Variants in OLFM1 observed in about 807,000 individuals in gnomAD.
OLFM1 encodes the protein olfactomedin 1.
Under a neutral mutation model 49.7 loss-of-function variants are expected in OLFM1, and 9 were observed. The observed-to-expected ratio is 0.18, with a 90% CI of 0.11 to 0.32. OLFM1 has a LOEUF of 0.32. Ranked by LOEUF, OLFM1 falls within the 10% of genes least tolerant of loss-of-function variation. The pLI, the probability that OLFM1 is intolerant of heterozygous loss-of-function variation, is 1.00. For missense variants in OLFM1, 369 were observed against 661.8 expected (o/e 0.56, Z 4.85); for synonymous variants, 240 against 271.8 (o/e 0.88, Z 1.15).
At chr9:135,090,453 A>C in intron 2 of OLFM1, 109 bp downstream of exon 2, 1 of 1,166,416 alleles carries the variant, frequency 8.6e-7, no homozygotes, top group South Asian at 1.6e-5. Flanking sequence ...GCTAGCTTGC[A>C]GGCCCCATTT....
intron 2 of OLFM1, among the ~76,000 whole-genome samples, chr9:135,091,687 TCA>T (rs796114896): frequency 6.9e-3 from 10 of 1,454 alleles, no homozygotes; most frequent in East Asian, 0.036. Flanking sequence ...ACACATAGTC[TCA>T]CACACACACA....
At chr9:135,109,999 C>T (rs934612762) in intron 5 of OLFM1, among the ~76,000 whole-genome samples, 16 of 152,186 alleles carry the variant, frequency 1.1e-4, no homozygotes, top group Admixed American at 1.3e-4. Context: ...ACTGTATGTC[C>T]GGCCTGTGCT....
chr9:135,092,958 C>G (rs1830736437), intron 2 of OLFM1, among the ~76,000 whole-genome samples: 1 of 152,210 alleles, frequency 6.6e-6, no homozygotes, highest in African/African-American at 2.4e-5. Flanking sequence ...CTCTTTTCTT[C>G]TCTTGCTTTC....
At chr9:135,086,246 TC>T (rs1461876595), upstream of OLFM1, among the ~76,000 whole-genome samples, 1 of 152,200 alleles carries the variant, frequency 6.6e-6, no homozygotes, top group Non-Finnish European at 1.5e-5. Flanking sequence ...ATGGCGCCCT[TC>T]CCCAACAGTT....
chr9:135,109,425 T>C (rs563177128), intron 5 of OLFM1, among the ~76,000 whole-genome samples: 1 of 152,092 alleles, frequency 6.6e-6, no homozygotes, highest in Admixed American at 6.5e-5. Context: ...GAGGCTCTGA[T>C]GGTGGGTAGA....
chr9:135,116,541 G>A lies in OLFM1; in HGVS notation c.784-2963G>A, dbSNP rs904109389. On this transcript the variant is annotated intron_variant, in intron 5 of 5. Coordinates refer to ENST00000371793, the MANE Select transcript of OLFM1 (RefSeq NM_001282611.2). ...CAGGGGTGAGTCACCCTGGGTCCCC[G>A]CGATCAAGGGCTTGTTTGTGGGGGT... Among the ~76,000 whole-genome samples, 4 of 152,206 alleles carry A rather than the reference G, an allele frequency of 2.6e-5. No homozygotes were observed. In the South Asian group the frequency reaches 6.2e-4, roughly 24 times the overall value.
At chr9:135,085,491 A>G (rs747463311), upstream of OLFM1, among the ~76,000 whole-genome samples, 1 of 152,240 alleles carries the variant, frequency 6.6e-6, no homozygotes, top group African/African-American at 2.4e-5. Context: ...TATACAGTGG[A>G]GTCAATGCCA....
chr9:135,100,226 G>A (rs1830852144), intron 4 of OLFM1, among the ~76,000 whole-genome samples: 1 of 152,204 alleles, frequency 6.6e-6, no homozygotes, highest in African/African-American at 2.4e-5. Flanking sequence ...GTGAGGATTT[G>A]GAGTAAAAAG....
chr9:135,094,632 C>T (rs1056175045), intron 2 of OLFM1, among the ~76,000 whole-genome samples: 7 of 152,116 alleles, frequency 4.6e-5, no homozygotes, highest in Non-Finnish European at 7.4e-5. Context: ...GTGTGTGTTA[C>T]TTTCTGATAA....
chr9:135,119,384 C>A lies in OLFM1; in HGVS notation c.784-120C>A, dbSNP rs1175523867. ...TGGGTCTTTGGAGTGCTCACTGGGT[C>A]TTTGGAGTGCTCAGTGGGTCTTTGG... On this transcript the variant is annotated intron_variant, in intron 5 of 5. Coordinates refer to ENST00000371793, the MANE Select transcript of OLFM1 (RefSeq NM_001282611.2). 1.6e-5 allele frequency: 13 copies of A among 819,444 alleles called. No homozygotes were observed. In the East Asian group the frequency reaches 3.2e-4, roughly 20 times the overall value. 50.8% of individuals were successfully genotyped at this position (819,444 alleles called of 1,614,324 possible).
At chr9:135,091,897 T>TTACA (rs1554752971) in intron 2 of OLFM1, among the ~76,000 whole-genome samples, 1 of 147,114 alleles carries the variant, frequency 6.8e-6, no homozygotes, top group East Asian at 2.0e-4. Flanking sequence ...TCACACATAG[T>TTACA]CACACACACA....
Position 135,090,183 on chromosome 9 carries a change from G to T in OLFM1, c.151-12G>T. On this transcript the variant is annotated splice_polypyrimidine_tract_variant and intron_variant, in intron 1 of 5. Transcript: ENST00000371793. ...CTCCTTCCCTCTCCCTTCCCGCCCC[G>T]CCCCTCTCCAGGTGCTGCCCACCAA... The T allele has an allele frequency of 1.9e-6, 3 of 1,580,520 alleles. No homozygotes were observed. Among genetic ancestry groups the T allele is most frequent in the Non-Finnish European group, 2.6e-6 (3 of 1,155,946 alleles).
Position 135,088,155 on chromosome 9 carries a change from G to C in OLFM1, c.150+16G>C, listed in dbSNP as rs1268197213. The C allele has an allele frequency of 3.0e-6, 4 of 1,321,170 alleles. No homozygotes were observed. The highest frequency in any genetic ancestry group is 3.9e-6 in the Non-Finnish European group (4 of 1,023,494). 81.8% of individuals were successfully genotyped at this position (1,321,170 alleles called of 1,614,324 possible). ...CAGCACCGGCGTAAGTGCGCCCGCC[G>C]GCCGCCTTGGCGCGGCTCCTCCTCC... is the stretch of plus-strand genomic sequence containing the variant. On this transcript the variant is annotated intron_variant, in intron 1 of 5. Transcript: ENST00000371793. The surrounding 1 kb of genome is among the most constrained non-coding windows in gnomAD (Gnocchi z 4.8).
chr9:135,099,290 G>C (rs1273028046), intron 4 of OLFM1, among the ~76,000 whole-genome samples: 1 of 152,130 alleles, frequency 6.6e-6, no homozygotes, highest in Non-Finnish European at 1.5e-5. Flanking sequence ...ATAACACAAA[G>C]GTTGTTGTTT....
chr9:135,114,595 C>A (rs933466893), intron 5 of OLFM1, among the ~76,000 whole-genome samples: 2 of 145,422 alleles, frequency 1.4e-5, no homozygotes, highest in African/African-American at 5.1e-5. Context: ...TGGCCTGGGG[C>A]AGGGATGGGG....
rs1328591989 is a variant in OLFM1, at chr9:135,080,581, C to A, written c.96+4779C>A. 6.6e-6 allele frequency among the ~76,000 whole-genome samples: 1 copy of A among 152,024 alleles called. No homozygotes were observed. Among genetic ancestry groups the A allele is most frequent in the Non-Finnish European group, 1.5e-5 (1 of 68,012 alleles). On this transcript the variant is annotated intron_variant, in intron 1 of 5. Coordinates refer to the OLFM1 transcript ENST00000252854. The surrounding 1 kb of genome is among the most constrained non-coding windows in gnomAD (Gnocchi z 4.5). The stretch of plus-strand genomic sequence containing the variant: ...CAATCCTGCCCATGAGACAGCTGCT[C>A]CGTCTCCTAAAGCAATTTGCTTCTC...
intron 2 of OLFM1, among the ~76,000 whole-genome samples, chr9:135,092,891 G>A (rs1051906659): frequency 5.9e-5 from 9 of 152,174 alleles, no homozygotes; most frequent in African/African-American, 1.9e-4. Context: ...GCGCTGCTCC[G>A]TCCTCAGCTT....
intron 1 of OLFM1, 24 bp from the exon 2 acceptor site, chr9:135,090,171 C>G (rs999114128): frequency 1.9e-6 from 3 of 1,590,892 alleles, no homozygotes; most frequent in African/African-American, 1.3e-5. Flanking sequence ...CTTCCCTCTC[C>G]CTTCCCGCCC....
At chr9:135,090,677 T>C (rs184300450) in intron 2 of OLFM1, among the ~76,000 whole-genome samples, 1 of 152,044 alleles carries the variant, frequency 6.6e-6, no homozygotes, top group Admixed American at 6.5e-5. Flanking sequence ...CACATGGGCA[T>C]GGTGAGACGG....
Sources: gnomAD v4.1 joint callset for allele counts (sites outside exome capture counted in the v4.1 genomes callset) on GRCh38, gnomAD v4.1.1 for gene constraint, Gnocchi (gnomAD v3.1) non-coding constraint, MANE v1.5 for transcripts, NCBI Gene and HGNC (gene_info 2026-07-23, HGNC 2026-07-21) for gene names.